PDE1A: variants seen among roughly 807,000 people sequenced by gnomAD.
PDE1A encodes the protein phosphodiesterase 1A.
PDE1A carries 35 observed loss-of-function variants against 61.7 expected under a neutral mutation model. The observed-to-expected ratio is 0.57, with a 90% CI of 0.43 to 0.75. The LOEUF is 0.75. Ranked by LOEUF, PDE1A falls within the 30% of genes least tolerant of loss-of-function variation. The probability of loss-of-function intolerance (pLI) is 0.00; values close to 1 mark genes in which losing one functional copy is unlikely to be tolerated. For synonymous variants in PDE1A, 232 were observed against 213.2 expected (o/e 1.09, Z -0.77); for missense variants, 597 against 630.6 (o/e 0.95, Z 0.57).
At chr2:182,189,940 T>A (rs1559159252) in intron 10 of PDE1A, among the ~76,000 whole-genome samples, 1 of 152,220 alleles carries the variant, frequency 6.6e-6, no homozygotes, top group Non-Finnish European at 1.5e-5. Context: ...TTCTCCTAAT[T>A]TATTGGCTGT....
chr2:182,398,862 A>C (rs1490146964), intron 1 of PDE1A, among the ~76,000 whole-genome samples: 1 of 152,034 alleles, frequency 6.6e-6, no homozygotes, highest in Non-Finnish European at 1.5e-5. Flanking sequence ...AAGTTCCAGA[A>C]TACATGTGGA....
the PDE1A span, among the ~76,000 whole-genome samples, chr2:182,557,492 G>T: frequency 6.6e-6 from 1 of 151,436 alleles, no homozygotes; most frequent in Non-Finnish European, 1.5e-5. Flanking sequence ...TGGGCAGATC[G>T]CTTGAGCCTA....
rs567990604 is a variant in PDE1A at position 182,158,876 on chromosome 2, G to A, written c.1517-11724C>T. 1.6e-3 allele frequency among the ~76,000 whole-genome samples: 245 copies of A among 152,066 alleles called. 1 individual carries two copies. Among genetic ancestry groups the A allele is most frequent in the Non-Finnish European group, 2.7e-3 (183 of 67,992 alleles). On this transcript the variant is annotated intron_variant, in intron 13 of 13. Coordinates refer to the PDE1A transcript ENST00000409365. ...ACTTTGCATAATTTTTTTCTTTGGA[G>A]AAAGAACAAAATACAGAAATTAAAT...
At chr2:182,232,920 C>A (rs1689697400) in intron 4 of PDE1A, among the ~76,000 whole-genome samples, 1 of 152,134 alleles carries the variant, frequency 6.6e-6, no homozygotes, top group Non-Finnish European at 1.5e-5. Flanking sequence ...AGATGCTTGG[C>A]TTTTATGTCA....
At chr2:182,505,913 GAT>G (rs1689381672) in intron 2 of PDE1A, among the ~76,000 whole-genome samples, 1 of 152,174 alleles carries the variant, frequency 6.6e-6, no homozygotes, top group African/African-American at 2.4e-5. Flanking sequence ...GAAAACTCAA[GAT>G]ATTGAAGCAG....
the PDE1A span, among the ~76,000 whole-genome samples, chr2:182,715,440 T>G: frequency 0.01 from 1,550 of 152,320 alleles, 13 homozygotes; most frequent in Non-Finnish European, 0.016. Flanking sequence ...TTCCAAGTTT[T>G]TAGAAGCTGA....
the PDE1A span, among the ~76,000 whole-genome samples, chr2:182,623,425 T>C: frequency 6.6e-6 from 1 of 152,160 alleles, no homozygotes; most frequent in South Asian, 2.1e-4. Context: ...AAGCAGTTGA[T>C]ATTTTACCTG....
chr2:182,550,409 A>T, the PDE1A span, among the ~76,000 whole-genome samples: 45 of 152,160 alleles, frequency 3.0e-4, no homozygotes, highest in Non-Finnish European at 6.2e-4. Flanking sequence ...GGCAACTATT[A>T]TACTTCTCTG....
At chr2:182,150,729 T>G (rs1690735057) in intron 13 of PDE1A, among the ~76,000 whole-genome samples, 1 of 152,176 alleles carries the variant, frequency 6.6e-6, no homozygotes, top group Admixed American at 6.5e-5. Flanking sequence ...GGGATAGTTG[T>G]TATAGGAGAG....
the PDE1A span, among the ~76,000 whole-genome samples, chr2:182,704,618 T>C: frequency 6.6e-6 from 1 of 152,224 alleles, no homozygotes; most frequent in African/African-American, 2.4e-5. Flanking sequence ...TTAAAAATAA[T>C]CCATTACATA....
intron 1 of PDE1A, among the ~76,000 whole-genome samples, chr2:182,401,193 T>C (rs1701980488): frequency 6.6e-6 from 1 of 152,110 alleles, no homozygotes; most frequent in South Asian, 2.1e-4. Flanking sequence ...ATCATCCTGA[T>C]ACCAAAACCC....
rs78986555 is a variant in PDE1A, at chr2:182,400,248, C to T, written c.53+26330G>A. Among the ~76,000 whole-genome samples the T allele has an allele frequency of 1.8e-4, 27 of 152,238 alleles. No individual in the cohort carries two copies. The East Asian group carries it at 5.2e-3, about 29-fold the overall frequency. Reference sequence around the variant, plus strand: ...TCCATGTACTTGACACAGAGCAGATCCTGAGCAAACTGAATTAAAATTTTC... The same window carrying T: ...TCCATGTACTTGACACAGAGCAGATTCTGAGCAAACTGAATTAAAATTTTC... On this transcript the variant is annotated intron_variant, in intron 1 of 13. Transcript: ENST00000351439.
chr2:182,206,877 T>G (rs1053910767), intron 7 of PDE1A, among the ~76,000 whole-genome samples: 1 of 152,156 alleles, frequency 6.6e-6, no homozygotes, highest in Non-Finnish European at 1.5e-5. Context: ...TGTGAAGATG[T>G]GCTTACTTCC....
At chr2:182,449,329 A>G (rs1481409126) in intron 2 of PDE1A, among the ~76,000 whole-genome samples, 4 of 151,650 alleles carry the variant, frequency 2.6e-5, no homozygotes, top group Middle Eastern at 3.2e-3. Context: ...GAGAGAGAGA[A>G]AGAGAAAGGA....
intron 10 of PDE1A, among the ~76,000 whole-genome samples, chr2:182,197,177 G>C (rs72895071): frequency 0.023 from 3,449 of 151,786 alleles, 60 homozygotes; most frequent in Middle Eastern, 0.044. Context: ...GATAAGTAAA[G>C]AAAATGAACA....
the PDE1A span, among the ~76,000 whole-genome samples, chr2:182,657,358 A>T: frequency 1.3e-5 from 2 of 152,216 alleles, no homozygotes; most frequent in Non-Finnish European, 2.9e-5. Context: ...AAATATTCCA[A>T]CTTAGTCCTT....
the PDE1A span, among the ~76,000 whole-genome samples, chr2:182,576,667 T>G: frequency 6.6e-6 from 1 of 152,108 alleles, no homozygotes; most frequent in Admixed American, 6.5e-5. Flanking sequence ...GGCTACACCA[T>G]TTTATATCCC....
At chr2:182,559,422 T>C in the PDE1A span, among the ~76,000 whole-genome samples, 1 of 152,148 alleles carries the variant, frequency 6.6e-6, no homozygotes, top group African/African-American at 2.4e-5. Context: ...TTTTAAACCA[T>C]CACTCTGACC....
At position 182,466,992 on chromosome 2, in the gene PDE1A, G is replaced by T. The variant is rs118038922; in HGVS notation, c.101+55284C>A. ...GCTCTTAAGATTTGTCTTTTGAGCT[G>T]CTAGGCTCACCAGACTAAAAAGGCA... On this transcript the variant is annotated intron_variant, in intron 2 of 14. Transcript: ENST00000410103. 1.8e-4 allele frequency among the ~76,000 whole-genome samples: 28 copies of T among 152,122 alleles called. 1 individual carries two copies. The East Asian group carries it at 5.4e-3, about 29-fold the overall frequency.
Sources: allele counts gnomAD v4.1 joint callset (sites outside exome capture counted in the v4.1 genomes callset), GRCh38; gene constraint gnomAD v4.1.1; transcripts MANE v1.5; gene names NCBI Gene and HGNC (gene_info 2026-07-23, HGNC 2026-07-21).